COL22A1: variants seen among roughly 807,000 people sequenced by gnomAD.
COL22A1 encodes the protein collagen alpha-1(XXII) chain.
COL22A1 carries 221 observed loss-of-function variants against 248.9 expected under a neutral mutation model. The ratio of observed to expected loss-of-function variants is 0.89; its 90% CI spans 0.80 to 0.99. The LOEUF is 0.99. Ranked by LOEUF, COL22A1 falls within the 50% of genes least tolerant of loss-of-function variation. The probability of loss-of-function intolerance (pLI) is 0.00; values close to 1 mark genes in which losing one functional copy is unlikely to be tolerated. For synonymous variants in COL22A1, 891 were observed against 793.4 expected (o/e 1.12, Z -2.07); for missense variants, 2,240 against 2,179.0 (o/e 1.03, Z -0.56).
At chr8:138,860,793 G>A (rs1822398517) in intron 3 of COL22A1, among the ~76,000 whole-genome samples, 1 of 152,118 alleles carries the variant, frequency 6.6e-6, no homozygotes, top group African/African-American at 2.4e-5. Flanking sequence ...GGGCAACAGA[G>A]CAAGACCCTG....
At chr8:138,790,820 T>C (rs890163349) in intron 12 of COL22A1, among the ~76,000 whole-genome samples, 3 of 152,140 alleles carry the variant, frequency 2.0e-5, no homozygotes, top group African/African-American at 4.8e-5. Flanking sequence ...CTATCAGTTA[T>C]ACAGTGGTCA....
Position 138,877,705 on chromosome 8 carries a change from G to A in COL22A1, c.658+45C>T, listed in dbSNP as rs1489815929. ...GACCCCTCCCGTGGGCTCAGCAGGG[G>A]GCGTCACTCTTGGGAGGGGCCGCAT... On this transcript the variant is annotated intron_variant, in intron 3 of 64. Coordinates refer to ENST00000303045, the MANE Select transcript of COL22A1 (RefSeq NM_152888.3). The A allele has an allele frequency of 3.1e-5, 47 of 1,511,382 alleles. No homozygotes were observed. In the East Asian group the frequency reaches 1.1e-3, roughly 34 times the overall value. 93.6% of individuals were successfully genotyped at this position (1,511,382 alleles called of 1,614,324 possible). A position where few individuals can be genotyped will look rare whatever the true frequency, so the allele number is the denominator to read the frequency against.
At position 138,716,719 on chromosome 8, in the gene COL22A1, A is replaced by C. The variant is rs562210189; in HGVS notation, c.2400+106T>G. ...TCCTGGACATATAGTGAGCTCCCAA[A>C]AACCAGGATTAATTCCTCTTGGCAT... On this transcript the variant is annotated intron_variant, in intron 28 of 64. Transcript: ENST00000303045. 3 of 856,934 alleles carry C rather than the reference A, an allele frequency of 3.5e-6. No homozygotes were observed. In the South Asian group the frequency reaches 4.3e-5, roughly 12 times the overall value. 53.1% of individuals were successfully genotyped at this position (856,934 alleles called of 1,614,324 possible).
intron 3 of COL22A1, among the ~76,000 whole-genome samples, chr8:138,877,528 G>C (rs1035447280): frequency 6.6e-6 from 1 of 152,170 alleles, no homozygotes; most frequent in Admixed American, 6.5e-5. Flanking sequence ...GATGGGAGAA[G>C]ATATCCTTCT....
chr8:138,870,860 T>G (rs1823285833), intron 3 of COL22A1, among the ~76,000 whole-genome samples: 1 of 151,210 alleles, frequency 6.6e-6, no homozygotes, highest in Non-Finnish European at 1.5e-5. Context: ...AGGGTGTGGT[T>G]TGTGAGGGGT....
intron 10 of COL22A1, among the ~76,000 whole-genome samples, chr8:138,806,008 CGGTGTAGGTAATGGTGTGTGGTTGT>C (rs1563787854): frequency 2.2e-3 from 33 of 15,106 alleles, no homozygotes; most frequent in Non-Finnish European, 4.2e-3. Context: ...GTGTGTGTGA[CGGTGTAGGTAATGGTGTGTGGTTGT>C]GTGTGTGATG....
intron 23 of COL22A1, among the ~76,000 whole-genome samples, chr8:138,736,862 G>T (rs897233722): frequency 6.6e-6 from 1 of 152,202 alleles, no homozygotes; most frequent in Non-Finnish European, 1.5e-5. Flanking sequence ...CCCCATCTCA[G>T]TTTGAGCAGG....
At chr8:138,766,446 G>A (rs1370826961) in intron 16 of COL22A1, among the ~76,000 whole-genome samples, 1 of 142,112 alleles carries the variant, frequency 7.0e-6, no homozygotes, top group Non-Finnish European at 1.5e-5. Context: ...GAAGAGTGGG[G>A]GTGGGGGAGA....
At chr8:138,633,403 G>A (rs4909812) in intron 49 of COL22A1, among the ~76,000 whole-genome samples, 133,243 of 151,940 alleles carry the variant, frequency 0.88, 60,035 homozygotes, top group East Asian at 1. Flanking sequence ...ATTTCCTACA[G>A]CAGTCATAGA....
intron 56 of COL22A1, among the ~76,000 whole-genome samples, chr8:138,608,557 C>T (rs529683792): frequency 1.6e-4 from 24 of 152,300 alleles, no homozygotes; most frequent in African/African-American, 5.8e-4. Flanking sequence ...ACTCCAGATT[C>T]CAGGACTGAG....
intron 30 of COL22A1, among the ~76,000 whole-genome samples, chr8:138,706,853 GT>G (rs1313861360): frequency 2.0e-5 from 3 of 152,258 alleles, no homozygotes; most frequent in Admixed American, 6.5e-5. Context: ...CCAGAAGCTG[GT>G]TTTTTGAACA....
intron 56 of COL22A1, among the ~76,000 whole-genome samples, chr8:138,612,063 A>T (rs1163405856): frequency 1.3e-5 from 2 of 152,198 alleles, no homozygotes; most frequent in Admixed American, 1.3e-4. Flanking sequence ...CGTTGGGTAC[A>T]AAATGTGTCT....
chr8:138,876,885 C>T (rs576329209), intron 3 of COL22A1, among the ~76,000 whole-genome samples: 3 of 152,358 alleles, frequency 2.0e-5, no homozygotes, highest in African/African-American at 4.8e-5. Flanking sequence ...CAACCCCTCC[C>T]GGGCCTGGAG....
At chr8:138,912,855 C>T (rs1270666726) in intron 1 of COL22A1, among the ~76,000 whole-genome samples, 2 of 152,226 alleles carry the variant, frequency 1.3e-5, no homozygotes, top group South Asian at 2.1e-4. Flanking sequence ...GGCCGGCAGG[C>T]GGTGCCTCCT....
At chr8:138,868,342 A>G (rs1823057950) in intron 3 of COL22A1, among the ~76,000 whole-genome samples, 2 of 152,106 alleles carry the variant, frequency 1.3e-5, no homozygotes. Flanking sequence ...GGAGTGGGAG[A>G]GAATCTTAGA....
intron 41 of COL22A1, among the ~76,000 whole-genome samples, chr8:138,664,217 A>C (rs866883475): frequency 9.3e-6 from 1 of 107,432 alleles, no homozygotes; most frequent in Non-Finnish European, 2.0e-5. Context: ...GCGCACACAC[A>C]CACACACACA....
At chr8:138,821,521 G>C in intron 6 of COL22A1, 110 bp from the exon 7 acceptor site, 1 of 1,115,256 alleles carries the variant, frequency 9.0e-7, no homozygotes, top group Non-Finnish European at 1.3e-6. Flanking sequence ...GTCAATCCTG[G>C]CTGTGACTCT....
intron 41 of COL22A1, among the ~76,000 whole-genome samples, chr8:138,668,889 C>G (rs1441237394): frequency 6.6e-6 from 1 of 152,174 alleles, no homozygotes; most frequent in Non-Finnish European, 1.5e-5. Flanking sequence ...AACCTTCACC[C>G]AGAGGGGGAT....
intron 7 of COL22A1, among the ~76,000 whole-genome samples, chr8:138,817,399 T>C (rs1169620927): frequency 6.6e-6 from 1 of 152,190 alleles, no homozygotes; most frequent in Non-Finnish European, 1.5e-5. Flanking sequence ...GGGCTGCTCC[T>C]GTGGGTGTTG....
Sources: gnomAD v4.1 joint callset for allele counts (sites outside exome capture counted in the v4.1 genomes callset) on GRCh38, gnomAD v4.1.1 for gene constraint, MANE v1.5 for transcripts, NCBI Gene and HGNC (gene_info 2026-07-23, HGNC 2026-07-21) for gene names.